The following ZNF234 variants were observed in gnomAD, a reference collection of about 807,000 sequenced individuals.
ZNF234 encodes C2-H2 type zinc finger protein.
Under a neutral mutation model 10.3 loss-of-function variants are expected in ZNF234, and 4 were observed. That is an observed-to-expected ratio of 0.39 (90% CI 0.19 to 0.89). ZNF234 has a LOEUF of 0.89. Ranked by LOEUF, ZNF234 falls within the 40% of genes least tolerant of loss-of-function variation. The probability of loss-of-function intolerance (pLI) is 0.38; values close to 1 mark genes in which losing one functional copy is unlikely to be tolerated. For synonymous variants in ZNF234, 258 were observed against 280.1 expected (o/e 0.92, Z 0.79); for missense variants, 711 against 836.1 (o/e 0.85, Z 1.85).
At position 44,157,921 on chromosome 19, in the gene ZNF234, G is replaced by A; in HGVS notation, c.1905G>A (p.Arg635=). The change falls in exon 6 of 6, where the codon CGG becomes CGA. Residue 635 remains arginine, a synonymous_variant. Coordinates refer to ENST00000426739, the MANE Select transcript of ZNF234 (RefSeq NM_006630.3). ...KCDVCGKVFS[R]SSQLQYHRRV... ...ATGTATGTGGTAAAGTCTTCAGTCG[G>A]TCTTCACAATTACAGTATCATAGGC... The A allele has an allele frequency of 3.1e-6, 5 of 1,614,148 alleles. No homozygotes were observed. The highest frequency in any genetic ancestry group is 4.2e-6 in the Non-Finnish European group (5 of 1,179,998).
At chr19:44,144,518 C>G in intron 2 of ZNF234, 39 bp from the exon 3 acceptor site, 2 of 919,468 alleles carry the variant, frequency 2.2e-6, no homozygotes, top group Non-Finnish European at 3.1e-6. Context: ...GGGGACATCC[C>G]TGGCCACGCT....
At chr19:44,144,029 G>A (rs1968531807) in intron 2 of ZNF234, among the ~76,000 whole-genome samples, 1 of 152,074 alleles carries the variant, frequency 6.6e-6, no homozygotes, top group African/African-American at 2.4e-5. Flanking sequence ...TGTATTTTAT[G>A]TATCAGAATT....
intron 3 of ZNF234, among the ~76,000 whole-genome samples, chr19:44,148,387 A>G (rs557202108): frequency 3.9e-5 from 6 of 152,322 alleles, no homozygotes; most frequent in African/African-American, 1.4e-4. Flanking sequence ...CAGCGTTCCT[A>G]TGTGAGAGAG....
rs1018061825 is a variant in ZNF234 at position 44,156,700 on chromosome 19, A to T, written c.684A>T (p.Val228=). ...HLQTHQRVHT[V]EKPFKCVECG... Reference sequence around the variant, plus strand: ...AAACTCATCAGAGAGTCCACACTGTAGAGAAACCATTCAAATGTGTGGAAT... The same window carrying T: ...AAACTCATCAGAGAGTCCACACTGTTGAGAAACCATTCAAATGTGTGGAAT... The change falls in exon 6 of 6, where the codon GTA becomes GTT. Residue 228 remains valine (V), a synonymous_variant. Transcript: ENST00000426739. 1.5e-5 allele frequency: 25 copies of T among 1,614,088 alleles called. No homozygotes were observed. The highest frequency in any genetic ancestry group is 2.0e-5 in the Non-Finnish European group (24 of 1,180,038).
At chr19:44,153,881 C>T (rs1968808548) in intron 5 of ZNF234, among the ~76,000 whole-genome samples, 1 of 152,170 alleles carries the variant, frequency 6.6e-6, no homozygotes, top group South Asian at 2.1e-4. Flanking sequence ...CTGTGACAGG[C>T]ACAGTTCTGG....
rs563436743 is a variant in ZNF234, at chr19:44,151,762, T to C, written c.235+1257T>C. 1.7e-3 allele frequency among the ~76,000 whole-genome samples: 266 copies of C among 152,296 alleles called. 1 individual carries two copies. The highest frequency in any genetic ancestry group is 6.1e-3 in the African/African-American group (252 of 41,558). On this transcript the variant is annotated intron_variant, in intron 5 of 5. Coordinates refer to ENST00000426739, the MANE Select transcript of ZNF234 (RefSeq NM_006630.3). ...GCCAGCAACAGTGCTTCTCTGATCA[T>C]TCTTCTATAGTTGCATTTCCCTTTT...
chr19:44,145,982 G>A (rs1320068178), intron 3 of ZNF234, among the ~76,000 whole-genome samples: 1 of 152,202 alleles, frequency 6.6e-6, no homozygotes, highest in Non-Finnish European at 1.5e-5. Flanking sequence ...GAGGAGGTTT[G>A]TGGTCTCTTC....
At chr19:44,143,220 AG>A (rs1253978549) in intron 2 of ZNF234, among the ~76,000 whole-genome samples, 1 of 152,242 alleles carries the variant, frequency 6.6e-6, no homozygotes, top group Non-Finnish European at 1.5e-5. Context: ...TGAGGCACTC[AG>A]GGTCACAGCC....
rs768072768 is a variant in ZNF234, at chr19:44,157,103, C to A, written c.1087C>A (p.Arg363=). Reference sequence around the variant, plus strand: ...TCAGCCTTCACAATTTCAGGCCCATCGGAGAATCCACACTGGAGAGAAACC... The same window carrying A: ...TCAGCCTTCACAATTTCAGGCCCATAGGAGAATCCACACTGGAGAGAAACC... ...FIQPSQFQAH[R]RIHTGEKPYV... is the part of the protein sequence containing the mutation. The change falls in exon 6 of 6, where the codon CGG becomes AGG. Residue 363 remains arginine, a synonymous_variant. Coordinates refer to ENST00000426739, the MANE Select transcript of ZNF234 (RefSeq NM_006630.3). 6.2e-7 allele frequency: 1 copy of A among 1,614,030 alleles called. No homozygotes were observed. Among genetic ancestry groups the A allele is most frequent in the African/African-American group, 1.3e-5 (1 of 74,990 alleles).
In ZNF234 at chr19:44,148,916, T is replaced by A; in HGVS notation, c.142+19T>A. On this transcript the variant is annotated intron_variant, in intron 4 of 5. Transcript: ENST00000426739. ...TCAGTGGGTGAGGACATGAGCTTTC[T>A]AACACTCAATGTCAGTCTCTTGGAG... is the stretch of plus-strand genomic sequence containing the variant. The A allele has an allele frequency of 6.2e-7, 1 of 1,608,586 alleles. No homozygotes were observed. Among genetic ancestry groups the A allele is most frequent in the Non-Finnish European group, 8.5e-7 (1 of 1,177,066 alleles).
rs1366254962 is a variant in ZNF234 at position 44,156,994 on chromosome 19, T to C, written c.978T>C (p.Thr326=). The C allele has an allele frequency of 5.0e-6, 8 of 1,613,948 alleles. No homozygotes were observed. The highest frequency in any genetic ancestry group is 6.8e-6 in the Non-Finnish European group (8 of 1,179,970). Residue 326 remains threonine, a synonymous_variant, in exon 6 of 6, where the codon ACT becomes ACC. Coordinates refer to ENST00000426739, the MANE Select transcript of ZNF234 (RefSeq NM_006630.3). ...GTGAGGACTGTGGTAAGTGTTTCACTTGTAGCTCAAACCTTCGTATCCATC... is the reference window on the plus strand; with the variant it reads ...GTGAGGACTGTGGTAAGTGTTTCACCTGTAGCTCAAACCTTCGTATCCATC... The part of the protein sequence containing the change: ...YKCEDCGKCF[T]CSSNLRIHQR...
chr19:44,145,964 A>G (rs2147605690), intron 3 of ZNF234, among the ~76,000 whole-genome samples: 1 of 152,350 alleles, frequency 6.6e-6, no homozygotes, highest in Non-Finnish European at 1.5e-5. Context: ...TATTCAGAAC[A>G]GCAGAATGAG....
chr19:44,145,627 G>A (rs1568548872), intron 3 of ZNF234, among the ~76,000 whole-genome samples: 1 of 151,436 alleles, frequency 6.6e-6, no homozygotes, highest in Non-Finnish European at 1.5e-5. Flanking sequence ...CCTAACCTCA[G>A]ATGATCCACC....
In ZNF234 at chr19:44,144,566, C is replaced by G. The variant is rs1446422893; in HGVS notation, c.-67C>G. On this transcript the variant is annotated 5_prime_UTR_variant, in exon 3 of 6. Coordinates refer to ENST00000426739, the MANE Select transcript of ZNF234 (RefSeq NM_006630.3). ...TTTGTGTCTTCCATAGTGTTCCAGG[C>G]ACGATTCTGCCTTCTCTCAAATGGC... 2.1e-6 allele frequency: 3 copies of G among 1,424,854 alleles called. No individual in the cohort carries two copies. The highest frequency in any genetic ancestry group is 1.9e-6 in the Non-Finnish European group (2 of 1,069,710). 88.3% of individuals were successfully genotyped at this position (1,424,854 alleles called of 1,614,324 possible).
At chr19:44,146,898 C>G (rs1481089433) in intron 3 of ZNF234, among the ~76,000 whole-genome samples, 1 of 146,544 alleles carries the variant, frequency 6.8e-6, no homozygotes, top group Non-Finnish European at 1.5e-5. Flanking sequence ...TCACTGCAAC[C>G]TATGCCTCCC....
intron 5 of ZNF234, among the ~76,000 whole-genome samples, chr19:44,154,628 CTTTTTTTTTT>C (rs779013573): frequency 6.8e-5 from 7 of 102,450 alleles, no homozygotes; most frequent in African/African-American, 2.4e-4. Flanking sequence ...TTCTCTTTTT[CTTTTTTTTTT>C]TTTTTTTTTT....
Position 44,157,535 on chromosome 19 carries a change from A to C in ZNF234, c.1519A>C (p.Thr507Pro), listed in dbSNP as rs1256954324. ...TCTTAAAATTCATTGTAGGATCCAC[A>C]CAGGGGAGAAACCATATAATTGTGA... ...ADLKIHCRIH[T>P]GEKPYNCEEC... Residue 507 changes from threonine to proline, a missense_variant, in exon 6 of 6, where the codon ACA becomes CCA. By Grantham distance (38) the Thr-to-Pro change is conservative. Transcript: ENST00000426739. The C allele has an allele frequency of 6.2e-7, 1 of 1,614,212 alleles. No individual in the cohort carries two copies.
intron 5 of ZNF234, among the ~76,000 whole-genome samples, chr19:44,152,421 C>A (rs1968764868): frequency 2.0e-5 from 3 of 152,126 alleles, no homozygotes; most frequent in African/African-American, 7.2e-5. Context: ...ATACACAAAC[C>A]AAAATGAATG....
chr19:44,145,254 T>A (rs1968562105), intron 3 of ZNF234, among the ~76,000 whole-genome samples: 2 of 152,204 alleles, frequency 1.3e-5, no homozygotes, highest in Admixed American at 1.3e-4. Context: ...TTTTTGTTAT[T>A]TTTTCCTTAA....
Sources: gnomAD v4.1 joint callset for allele counts (sites outside exome capture counted in the v4.1 genomes callset) on GRCh38, gnomAD v4.1.1 for gene constraint, MANE v1.5 for transcripts, NCBI Gene and HGNC (gene_info 2026-07-23, HGNC 2026-07-21) for gene names.